VEGFA: variants seen among roughly 807,000 people sequenced by gnomAD.
The protein encoded by VEGFA is vascular endothelial growth factor A, also known as vascular endothelial growth factor A, long form.
Under a neutral mutation model 49.7 loss-of-function variants are expected in VEGFA, and 20 were observed. That is an observed-to-expected ratio of 0.40 (90% CI 0.28 to 0.58). VEGFA has a LOEUF of 0.58. VEGFA is among the 20% of genes least tolerant of loss of function. The probability of loss-of-function intolerance (pLI) is 0.40; values close to 1 mark genes in which losing one functional copy is unlikely to be tolerated. For synonymous variants in VEGFA, 219 were observed against 223.4 expected (o/e 0.98, Z 0.18); for missense variants, 505 against 553.5 (o/e 0.91, Z 0.88).
At chr6:43,774,165 T>C (rs1202757119) in intron 1 of VEGFA, 176 bp from the exon 2 acceptor site, 1 of 683,284 alleles carries the variant, frequency 1.5e-6, no homozygotes, top group Non-Finnish European at 2.7e-6. Context: ...CCAGGAGTGG[T>C]GGGCATATTC....
intron 2 of VEGFA, chr6:43,775,582 G>A (rs1765133515): frequency 6.6e-6 from 1 of 152,340 alleles, no homozygotes; most frequent in South Asian, 2.1e-4. Flanking sequence ...CCCTTGCCCA[G>A]GCCAGACCTT....
Position 43,774,498 on chromosome 6 carries a change from C to T in VEGFA, c.658+106C>T, listed in dbSNP as rs1264472377. On this transcript the variant is annotated intron_variant, in intron 2 of 7. Transcript: ENST00000672860. ...CTGTGGGGAGGAAGGGGAAGGGGCA[C>T]AGGAATATAAGGATCAAGAAAGAAA... 5 of 1,333,270 alleles carry T rather than the reference C, an allele frequency of 3.8e-6. No homozygotes were observed. The East Asian group carries it at 7.1e-5, about 19-fold the overall frequency. The allele number at this position is 1,333,270 out of a possible 1,614,324, so 82.6% of individuals were successfully genotyped here.
Position 43,785,197 on chromosome 6 carries a change from TG to T in VEGFA, c.*640del. On this transcript the variant is annotated 3_prime_UTR_variant, in exon 8 of 8. Transcript: ENST00000672860. ...CCCAGGAATGTGCAAGGCCAGGGCA[TG>T]GGGGCAAATATGACCCAGTTTTGGG... The T allele has an allele frequency of 5.2e-6, 1 of 190,950 alleles. No homozygotes were observed. Among genetic ancestry groups the T allele is most frequent in the African/African-American group, 2.3e-5 (1 of 42,916 alleles). The allele number at this position is 190,950 out of a possible 1,614,324, so 11.8% of individuals were successfully genotyped here.
At chr6:43,784,146 A>T (rs1193096927) in intron 7 of VEGFA, 7 of 317,130 alleles carry the variant, frequency 2.2e-5, no homozygotes, top group Non-Finnish European at 4.2e-5. Context: ...CCTCCTCAGC[A>T]GGGAGCCTCT....
chr6:43,772,623 C>T (rs1364304550), intron 1 of VEGFA, among the ~76,000 whole-genome samples: 2 of 152,206 alleles, frequency 1.3e-5, no homozygotes, highest in Admixed American at 6.5e-5. Flanking sequence ...AAAGGCAGCC[C>T]TGGAGCAGGT....
intron 5 of VEGFA, chr6:43,780,399 G>A (rs535044535): frequency 2.5e-6 from 1 of 399,930 alleles, no homozygotes; most frequent in South Asian, 2.2e-5. Context: ...CCCTGCCGGG[G>A]ACTGGGAGCC....
intron 2 of VEGFA, chr6:43,776,935 A>G (rs540336007): frequency 8.7e-6 from 2 of 229,384 alleles, no homozygotes; most frequent in Admixed American, 5.1e-5. Context: ...TAATAGTACC[A>G]TGTGGAGAAA....
rs1215263426 is a variant in VEGFA, at chr6:43,784,868, G to C, written c.*306G>C. On this transcript the variant is annotated 3_prime_UTR_variant, in exon 8 of 8. Coordinates refer to ENST00000672860, the MANE Select transcript of VEGFA (RefSeq NM_003376.6). ...CTAAATCACCGAGCCCGGAAGATTA[G>C]AGAGTTTTATTTCTGGGATTCCTGT... is the stretch of plus-strand genomic sequence containing the variant. 5 of 554,506 alleles carry C rather than the reference G, an allele frequency of 9.0e-6. No homozygotes were observed. The highest frequency in any genetic ancestry group is 1.6e-5 in the Non-Finnish European group (5 of 309,816). 34.3% of individuals were successfully genotyped at this position (554,506 alleles called of 1,614,324 possible).
intron 7 of VEGFA, chr6:43,782,407 TG>T: frequency 2.5e-6 from 1 of 394,480 alleles, no homozygotes; most frequent in South Asian, 2.1e-5. Context: ...CTGCTCATAG[TG>T]GCTGTTGGTC....
In VEGFA at chr6:43,777,133, T is replaced by C. The variant is rs1490165607; in HGVS notation, c.659-336T>C. 2.4e-6 allele frequency: 1 copy of C among 409,194 alleles called. No homozygotes were observed. The highest frequency in any genetic ancestry group is 4.7e-6 in the Non-Finnish European group (1 of 214,434). The allele number at this position is 409,194 out of a possible 1,614,324, so 25.3% of individuals were successfully genotyped here. On this transcript the variant is annotated intron_variant, in intron 2 of 7. Coordinates refer to ENST00000672860, the MANE Select transcript of VEGFA (RefSeq NM_003376.6). This position sits in a 1 kb window ranked among gnomAD's most constrained non-coding sequence, Gnocchi z 4.3. ...GAAAGCTTAGAGCATCCCCATGGGG[T>C]ATACCCATACTCAGACTGTCCTCTG... is the stretch of plus-strand genomic sequence containing the variant.
intron 5 of VEGFA, chr6:43,780,294 T>TC (rs1475876532): frequency 1.1e-5 from 3 of 279,494 alleles, no homozygotes; most frequent in African/African-American, 6.6e-5. Flanking sequence ...TCTGACCTTC[T>TC]CCCCAAAGTC....
chr6:43,777,402 G>A lies in VEGFA; in HGVS notation c.659-67G>A. On this transcript the variant is annotated intron_variant, in intron 2 of 7. Coordinates refer to ENST00000672860, the MANE Select transcript of VEGFA (RefSeq NM_003376.6). This position sits in a 1 kb window ranked among gnomAD's most constrained non-coding sequence, Gnocchi z 4.3. ...CCAAAGAGTGGCATTACAGAGCTGG[G>A]TGGAGAGAGGGGCTAGCCATCTTTT... 6.3e-7 allele frequency: 1 copy of A among 1,580,456 alleles called. No homozygotes were observed. The highest frequency in any genetic ancestry group is 8.7e-7 in the Non-Finnish European group (1 of 1,153,656).
Position 43,785,861 on chromosome 6 carries a change from A to G in VEGFA, c.*1299A>G, listed in dbSNP as rs1302201612. On this transcript the variant is annotated 3_prime_UTR_variant, in exon 8 of 8. Transcript: ENST00000672860. ...TAATTAAAGAGTAGGGTTTTTTTTC[A>G]GTATTCTTGGTTAATATTTAATTTC... The G allele has an allele frequency of 1.6e-5, 3 of 185,994 alleles. No homozygotes were observed. The highest frequency in any genetic ancestry group is 7.0e-5 in the African/African-American group (3 of 42,614). 11.5% of individuals were successfully genotyped at this position (185,994 alleles called of 1,614,324 possible).
chr6:43,784,294 C>A, intron 7 of VEGFA: 1 of 602,742 alleles, frequency 1.7e-6, no homozygotes, highest in East Asian at 2.8e-5. Context: ...ATTGCAAGCT[C>A]AGGAGGGTAG....
chr6:43,780,772 C>T lies in VEGFA; in HGVS notation c.1003C>T (p.Arg335Cys), dbSNP rs371177206. 3.3e-5 allele frequency: 53 copies of T among 1,613,504 alleles called. No homozygotes were observed. The highest frequency in any genetic ancestry group is 4.5e-5 in the East Asian group (2 of 44,860). The change falls in exon 6 of 8, where the codon CGC (arginine) becomes TGC (cysteine). Residue 335 changes from arginine (R) to cysteine (C), a missense_variant. This residue lies in a region of VEGFA where 165 missense variants were observed against 231.7 expected (regional missense o/e 0.71). Transcript: ENST00000672860. Reference sequence around the variant, plus strand: ...AAAGGGAAAGGGGCAAAAACGAAAGCGCAAGAAATCCCGGTATAAGTCCTG... The same window carrying T: ...AAAGGGAAAGGGGCAAAAACGAAAGTGCAAGAAATCCCGGTATAAGTCCTG...
rs1765692833 is a variant in VEGFA at position 43,777,135 on chromosome 6, T to G, written c.659-334T>G. ...AAGCTTAGAGCATCCCCATGGGGTA[T>G]ACCCATACTCAGACTGTCCTCTGGC... On this transcript the variant is annotated intron_variant, in intron 2 of 7. Coordinates refer to ENST00000672860, the MANE Select transcript of VEGFA (RefSeq NM_003376.6). The surrounding 1 kb of genome is among the most constrained non-coding windows in gnomAD (Gnocchi z 4.3). The G allele has an allele frequency of 2.4e-6, 1 of 413,624 alleles. No homozygotes were observed. The highest frequency in any genetic ancestry group is 4.6e-6 in the Non-Finnish European group (1 of 217,276). The allele number at this position is 413,624 out of a possible 1,614,324, so 25.6% of individuals were successfully genotyped here. A position where few individuals can be genotyped will look rare whatever the true frequency, so the allele number is the denominator to read the frequency against.
chr6:43,772,309 T>C (rs923074592), intron 1 of VEGFA, among the ~76,000 whole-genome samples: 10 of 152,060 alleles, frequency 6.6e-5, no homozygotes, highest in Admixed American at 2.0e-4. Context: ...GGCCCCAGAG[T>C]CCAGGGAAAG....
chr6:43,774,765 G>A (rs1054269011), intron 2 of VEGFA: 3 of 383,502 alleles, frequency 7.8e-6, no homozygotes, highest in Non-Finnish European at 1.5e-5. Context: ...TTCCTATATA[G>A]ACATGTCCCA....
intron 5 of VEGFA, chr6:43,779,142 G>A: frequency 1.6e-6 from 1 of 622,570 alleles, no homozygotes; most frequent in Non-Finnish European, 2.9e-6. Flanking sequence ...TCCTTTGGAA[G>A]GGACAATGCC....
Sources: allele counts gnomAD v4.1 joint callset (sites outside exome capture counted in the v4.1 genomes callset), GRCh38; gene constraint gnomAD v4.1.1; regional missense constraint gnomAD v4.1.1; non-coding constraint Gnocchi (gnomAD v3.1); transcripts MANE v1.5; gene names NCBI Gene and HGNC (gene_info 2026-07-23, HGNC 2026-07-21).